PLXDC2: variants seen among roughly 807,000 people sequenced by gnomAD.
The protein encoded by PLXDC2 is plexin domain-containing protein 2.
In PLXDC2, 40 loss-of-function variants were observed where a neutral mutation model predicts 68.9. That is an observed-to-expected ratio of 0.58 (90% CI 0.45 to 0.76). The LOEUF is 0.76. PLXDC2 is among the 30% of genes least tolerant of loss of function. The pLI is 0.00. For missense variants in PLXDC2, 644 were observed against 661.9 expected (o/e 0.97, Z 0.30); for synonymous variants, 243 against 234.2 (o/e 1.04, Z -0.34).
intron 13 of PLXDC2, among the ~76,000 whole-genome samples, chr10:20,253,758 G>T (rs144595681): frequency 1.3e-5 from 2 of 152,002 alleles, no homozygotes; most frequent in African/African-American, 4.8e-5. Context: ...TATGAGTTTC[G>T]TATTATTCTC....
chr10:20,194,190 C>CTCTGTGTGTG (rs1554773901), intron 9 of PLXDC2, among the ~76,000 whole-genome samples: 8 of 143,650 alleles, frequency 5.6e-5, no homozygotes, highest in African/African-American at 2.0e-4. Flanking sequence ...TTGAACTCAG[C>CTCTGTGTGTG]TGTGTGTGTG....
chr10:20,057,769 C>A (rs989843788), intron 3 of PLXDC2, among the ~76,000 whole-genome samples: 1 of 151,966 alleles, frequency 6.6e-6, no homozygotes, highest in Non-Finnish European at 1.5e-5. Flanking sequence ...GCACATTAGT[C>A]CTGATTCCAT....
intron 1 of PLXDC2, among the ~76,000 whole-genome samples, chr10:19,996,292 A>G (rs569919281): frequency 4.5e-4 from 69 of 152,302 alleles, no homozygotes; most frequent in African/African-American, 1.6e-3. Context: ...AAATAAAATT[A>G]AAAATTAGTC....
intron 12 of PLXDC2, among the ~76,000 whole-genome samples, chr10:20,230,384 A>C (rs540391637): frequency 2.0e-5 from 3 of 152,246 alleles, no homozygotes; most frequent in African/African-American, 7.2e-5. Flanking sequence ...AAAGGAAAAA[A>C]AGGTGCCAGG....
chr10:20,220,838 C>CTT (rs4026632), intron 12 of PLXDC2, among the ~76,000 whole-genome samples: 51,040 of 116,164 alleles, frequency 0.44, 13,108 homozygotes, highest in Middle Eastern at 0.61. Context: ...GCTCTTAACA[C>CTT]TTTTTTTTTT....
In PLXDC2 at chr10:19,873,360, T is replaced by G. The variant is rs1837575579; in HGVS notation, c.112+56169T>G. On this transcript the variant is annotated intron_variant, in intron 1 of 13. Transcript: ENST00000377252. ...AGATTTAAAGGGAGTGTGTATCTAA[T>G]CCAGCTTTCCACTACTGGAATGTTG... is the stretch of plus-strand genomic sequence containing the variant. Among the ~76,000 whole-genome samples the G allele has an allele frequency of 2.6e-5, 4 of 152,010 alleles. No individual in the cohort carries two copies. In the South Asian group the frequency reaches 8.3e-4, roughly 32 times the overall value.
chr10:20,102,836 GT>G (rs1209013308), intron 4 of PLXDC2, among the ~76,000 whole-genome samples: 2 of 152,294 alleles, frequency 1.3e-5, no homozygotes, highest in Non-Finnish European at 1.5e-5. Context: ...GAGTTTATCA[GT>G]TTTTAAAGCC....
intron 1 of PLXDC2, among the ~76,000 whole-genome samples, chr10:19,949,030 T>C (rs1266843470): frequency 7.0e-6 from 1 of 141,910 alleles, no homozygotes; most frequent in African/African-American, 2.7e-5. Flanking sequence ...CTTGAGAGAC[T>C]GAGGCAGAAT....
At chr10:19,906,884 T>C (rs1833171939) in intron 1 of PLXDC2, among the ~76,000 whole-genome samples, 1 of 152,212 alleles carries the variant, frequency 6.6e-6, no homozygotes, top group Non-Finnish European at 1.5e-5. Flanking sequence ...AGCCCGAATG[T>C]CTATGCCTCT....
At chr10:19,895,800 A>G (rs938114699) in intron 1 of PLXDC2, among the ~76,000 whole-genome samples, 1 of 152,252 alleles carries the variant, frequency 6.6e-6, no homozygotes, top group East Asian at 1.9e-4. Flanking sequence ...CGTGCCTGTA[A>G]TCCCAGCACT....
intron 4 of PLXDC2, among the ~76,000 whole-genome samples, chr10:20,134,405 C>G (rs1833907256): frequency 6.6e-6 from 1 of 152,148 alleles, no homozygotes; most frequent in African/African-American, 2.4e-5. Context: ...TCCAGAAATT[C>G]TGTGCCAGCG....
chr10:19,948,581 C>G (rs1201723017), intron 1 of PLXDC2, among the ~76,000 whole-genome samples: 1 of 151,764 alleles, frequency 6.6e-6, no homozygotes, highest in African/African-American at 2.4e-5. Context: ...TGTCTGGGAT[C>G]AGAAAAATGT....
intron 3 of PLXDC2, among the ~76,000 whole-genome samples, chr10:20,053,131 A>G (rs551766939): frequency 4.6e-5 from 7 of 152,140 alleles, no homozygotes; most frequent in Non-Finnish European, 1.0e-4. Context: ...TTTAATTCAC[A>G]TATTTGACAT....
intron 2 of PLXDC2, among the ~76,000 whole-genome samples, chr10:20,033,045 AG>A: frequency 9.5e-6 from 1 of 105,562 alleles, no homozygotes; most frequent in East Asian, 3.2e-4. Context: ...GGGTGGGGGG[AG>A]GGGGAAGGGA....
At chr10:19,904,936 G>C (rs975688565) in intron 1 of PLXDC2, among the ~76,000 whole-genome samples, 26 of 152,264 alleles carry the variant, frequency 1.7e-4, no homozygotes, top group African/African-American at 6.3e-4. Flanking sequence ...ACTTCACCTA[G>C]TGTCATGTAG....
intron 8 of PLXDC2, 72 bp downstream of exon 8, chr10:20,177,166 TA>T: frequency 7.2e-7 from 1 of 1,386,170 alleles, no homozygotes; most frequent in Non-Finnish European, 1.0e-6. Context: ...TCAATAGTTA[TA>T]ATAATCATAT....
At chr10:19,995,123 A>C (rs1232286568) in intron 1 of PLXDC2, among the ~76,000 whole-genome samples, 1 of 152,184 alleles carries the variant, frequency 6.6e-6, no homozygotes, top group East Asian at 1.9e-4. Context: ...AAAAAATATA[A>C]ATAAGCTAGA....
At chr10:20,130,328 C>T (rs754481736) in intron 4 of PLXDC2, among the ~76,000 whole-genome samples, 7 of 152,034 alleles carry the variant, frequency 4.6e-5, no homozygotes, top group Non-Finnish European at 1.0e-4. Flanking sequence ...TATAGAAACA[C>T]AACTGATTTT....
chr10:20,135,643 T>C (rs1470621569), intron 4 of PLXDC2, among the ~76,000 whole-genome samples: 1 of 152,198 alleles, frequency 6.6e-6, no homozygotes, highest in Non-Finnish European at 1.5e-5. Context: ...TCCTGTTCTT[T>C]CTGGAGCTGT....
Sources: allele counts gnomAD v4.1 joint callset (sites outside exome capture counted in the v4.1 genomes callset), GRCh38; gene constraint gnomAD v4.1.1; transcripts MANE v1.5; gene names NCBI Gene and HGNC (gene_info 2026-07-23, HGNC 2026-07-21).